The following ERICH6B variants were observed in gnomAD, a reference collection of about 807,000 sequenced individuals.
ERICH6B encodes glutamate rich 6B.
Under a neutral mutation model 80.0 loss-of-function variants are expected in ERICH6B, and 69 were observed. The ratio of observed to expected loss-of-function variants is 0.86; its 90% confidence interval spans 0.71 to 1.05. The LOEUF (loss-of-function observed/expected upper bound fraction) is 1.05, where lower values mean the gene tolerates loss of function less well. Among genes scored for constraint, ERICH6B ranks in the 50% least tolerant of loss-of-function variants. The pLI is 0.00. For synonymous variants in ERICH6B, 283 were observed against 291.9 expected, an observed-to-expected ratio of 0.97 and a Z score of 0.31; for missense variants, 754 against 796.1, an observed-to-expected ratio of 0.95 and a Z score of 0.64.
intron 2 of ERICH6B, among the ~76,000 whole-genome samples, chr13:45,597,846 A>G (rs1049182590): frequency 1.3e-5 from 2 of 152,066 alleles, no homozygotes; most frequent in Non-Finnish European, 2.9e-5. Context: ...TTGAAAATAG[A>G]TTTTGAATTC....
rs1168808577 is a variant in ERICH6B at position 45,596,571 on chromosome 13, A to G, written c.435T>C (p.Tyr145=). Reference sequence around the variant, plus strand: ...CCTCAATATAATCTTCCTTCTCCAGATACCCTTCCTTCCCCAGATACTCTT... The same window carrying G: ...CCTCAATATAATCTTCCTTCTCCAGGTACCCTTCCTTCCCCAGATACTCTT... ...EEEEYLGKEG[Y]LEKEDYIEEV... is the part of the protein sequence containing the mutation. Residue 145 remains tyrosine, a synonymous_variant, in exon 3 of 15, where the codon TAT becomes TAC. Transcript: ENST00000298738. The G allele has an allele frequency of 7.1e-6, 11 of 1,547,078 alleles. No individual in the cohort carries two copies. In the Admixed American group the frequency reaches 2.2e-4, roughly 31 times the overall value.
intron 13 of ERICH6B, among the ~76,000 whole-genome samples, chr13:45,549,436 C>A (rs941979108): frequency 6.6e-6 from 1 of 152,092 alleles, no homozygotes; most frequent in Non-Finnish European, 1.5e-5. Context: ...GATGGTTTTC[C>A]ACCATTACCA....
chr13:45,556,102 C>G (rs1227034555), intron 11 of ERICH6B, among the ~76,000 whole-genome samples: 1 of 151,480 alleles, frequency 6.6e-6, no homozygotes, highest in Non-Finnish European at 1.5e-5. Context: ...CTCTCTCAGC[C>G]CAGCTGGAGG....
At position 45,581,587 on chromosome 13, in the gene ERICH6B, G is replaced by T. The variant is rs929966791; in HGVS notation, c.857-922C>A. On this transcript the variant is annotated intron_variant, in intron 5 of 14. Transcript: ENST00000298738. ...AGGCAGAGTTTTGCCGTGTTGGCCA[G>T]TCTGGTCTCGAACTCCTGACCTCAG... Among the ~76,000 whole-genome samples the T allele has an allele frequency of 1.3e-5, 2 of 152,220 alleles. 1 individual carries two copies. The highest frequency in any genetic ancestry group is 2.9e-5 in the Non-Finnish European group (2 of 68,052).
chr13:45,550,350 A>G, intron 11 of ERICH6B, 34 bp from the exon 12 acceptor site: 1 of 1,520,360 alleles, frequency 6.6e-7, no homozygotes, highest in Non-Finnish European at 8.9e-7. Flanking sequence ...GAAAAGTGTG[A>G]AAAGTACATG....
At chr13:45,554,573 G>C (rs1399447143) in intron 11 of ERICH6B, among the ~76,000 whole-genome samples, 1 of 152,196 alleles carries the variant, frequency 6.6e-6, no homozygotes, top group Non-Finnish European at 1.5e-5. Context: ...TTTTCCTGAT[G>C]ACAAGAACCC....
intron 11 of ERICH6B, among the ~76,000 whole-genome samples, chr13:45,558,985 G>A: frequency 6.6e-6 from 1 of 152,118 alleles, no homozygotes. Flanking sequence ...GTTTCCCTGT[G>A]GAATAGTGTC....
intron 11 of ERICH6B, chr13:45,555,284 A>T (rs1874391321): frequency 6.6e-6 from 1 of 152,318 alleles, no homozygotes; most frequent in African/African-American, 2.4e-5. Context: ...CGCCCTTACC[A>T]TTGTCTGCTA....
chr13:45,596,724 C>T lies in ERICH6B; in HGVS notation c.282G>A (p.Glu94=). ...ACCCTGCCTTCTCCAGATACTCTTC[C>T]TCCTCCAGATGCTCTTCCTTCCCCA... ...EYLGKEEHLE[E]EEYLEKAGYL... is the part of the protein sequence containing the mutation. Residue 94 remains glutamate (E), a synonymous_variant, in exon 3 of 15, where the codon GAG becomes GAA. Transcript: ENST00000298738. 1 of 1,551,880 alleles carries T rather than the reference C, an allele frequency of 6.4e-7. No homozygotes were observed. The highest frequency in any genetic ancestry group is 8.7e-7 in the Non-Finnish European group (1 of 1,147,050).
intron 2 of ERICH6B, among the ~76,000 whole-genome samples, chr13:45,606,507 A>ATG (rs1949861927): frequency 1.1e-4 from 3 of 26,088 alleles, no homozygotes; most frequent in South Asian, 2.8e-3. Context: ...GTGTATGTGT[A>ATG]TATATATATA....
chr13:45,554,650 T>A (rs1286344004), intron 11 of ERICH6B, among the ~76,000 whole-genome samples: 2 of 152,226 alleles, frequency 1.3e-5, no homozygotes, highest in Admixed American at 1.3e-4. Context: ...GGGAAATATA[T>A]AACAAACAGC....
chr13:45,614,571 TG>T (rs1949917261), intron 1 of ERICH6B, among the ~76,000 whole-genome samples: 1 of 152,188 alleles, frequency 6.6e-6, no homozygotes, highest in Admixed American at 6.5e-5. Context: ...AGATGAGTTA[TG>T]GGTGGGCTAA....
chr13:45,593,491 A>C (rs1876238109), intron 3 of ERICH6B, among the ~76,000 whole-genome samples: 2 of 152,166 alleles, frequency 1.3e-5, no homozygotes, highest in Non-Finnish European at 2.9e-5. Context: ...TTAATGATTT[A>C]CCCAATTAAA....
intron 2 of ERICH6B, among the ~76,000 whole-genome samples, chr13:45,604,246 G>A (rs958912852): frequency 2.0e-5 from 3 of 152,234 alleles, no homozygotes; most frequent in Non-Finnish European, 2.9e-5. Flanking sequence ...TAACCAGGAC[G>A]TTACATTTTC....
At chr13:45,556,674 C>T (rs963365062) in intron 11 of ERICH6B, among the ~76,000 whole-genome samples, 17 of 152,088 alleles carry the variant, frequency 1.1e-4, no homozygotes, top group Admixed American at 3.9e-4. Context: ...TCCTGAGTTA[C>T]TTCACTTAGA....
At chr13:45,545,945 G>A (rs949623611) in intron 13 of ERICH6B, among the ~76,000 whole-genome samples, 2 of 152,232 alleles carry the variant, frequency 1.3e-5, no homozygotes, top group African/African-American at 4.8e-5. Context: ...AAGGGGTTCA[G>A]TATTGGCCAA....
At chr13:45,599,985 C>T (rs1011866538) in intron 2 of ERICH6B, among the ~76,000 whole-genome samples, 2 of 152,116 alleles carry the variant, frequency 1.3e-5, no homozygotes, top group African/African-American at 4.8e-5. Flanking sequence ...ATGTAGGCTG[C>T]CTCCAGTGCT....
intron 7 of ERICH6B, 59 bp downstream of exon 7, chr13:45,579,874 C>T (rs1875582872): frequency 2.0e-6 from 3 of 1,526,238 alleles, no homozygotes; most frequent in Admixed American, 3.9e-5. Context: ...GGCACCTTCC[C>T]CACCCAGGGC....
intron 1 of ERICH6B, among the ~76,000 whole-genome samples, chr13:45,608,107 C>T (rs1260409083): frequency 1.3e-5 from 2 of 152,172 alleles, no homozygotes; most frequent in Admixed American, 6.5e-5. Flanking sequence ...AGGGTGGCCA[C>T]GTCCCATTGA....
Sources: allele counts gnomAD v4.1 joint callset (sites outside exome capture counted in the v4.1 genomes callset), GRCh38; gene constraint gnomAD v4.1.1; transcripts MANE v1.5; gene names NCBI Gene and HGNC (gene_info 2026-07-23, HGNC 2026-07-21).